AZIN2: variants seen among roughly 807,000 people sequenced by gnomAD.
The protein encoded by AZIN2 is antizyme inhibitor 2, also known as ODC antizyme inhibitor-2.
A neutral mutation model predicts 47.8 loss-of-function variants in AZIN2; 28 were observed. That is an observed-to-expected ratio of 0.59 (90% CI 0.43 to 0.80). AZIN2 has a LOEUF of 0.80. Ranked by LOEUF, AZIN2 falls within the 30% of genes least tolerant of loss-of-function variation. The probability of loss-of-function intolerance (pLI) is 0.00; values close to 1 mark genes in which losing one functional copy is unlikely to be tolerated. For synonymous variants in AZIN2, 221 were observed against 239.4 expected (o/e 0.92, Z 0.71); for missense variants, 535 against 582.5 (o/e 0.92, Z 0.84).
the AZIN2 span, among the ~76,000 whole-genome samples, chr1:33,129,321 C>A: frequency 6.6e-6 from 1 of 152,176 alleles, no homozygotes; most frequent in African/African-American, 2.4e-5. The surrounding 1 kb of genome is among the most constrained non-coding windows in gnomAD (Gnocchi z 4.1). Context: ...ACCACTACAA[C>A]TCTGATTGGA....
At chr1:33,137,025 C>G in the AZIN2 span, among the ~76,000 whole-genome samples, 2 of 151,676 alleles carry the variant, frequency 1.3e-5, no homozygotes, top group South Asian at 4.2e-4. Context: ...AGAAAATCAG[C>G]CAGTGCTTGT....
downstream of AZIN2, among the ~76,000 whole-genome samples, chr1:33,126,446 G>C (rs570043074): frequency 1.3e-5 from 2 of 152,146 alleles, no homozygotes; most frequent in African/African-American, 4.8e-5. Flanking sequence ...CTACTTTCTA[G>C]TGTGATCTGG....
chr1:33,094,201 CGCAT>C (rs1367456654), intron 7 of AZIN2, among the ~76,000 whole-genome samples: 1 of 152,178 alleles, frequency 6.6e-6, no homozygotes, highest in Non-Finnish European at 1.5e-5. Flanking sequence ...GTCTTGTCCC[CGCAT>C]TATAGGTGGG....
intron 5 of AZIN2, 98 bp from the exon 6 acceptor site, chr1:33,091,952 T>A (rs1401093567): frequency 7.6e-7 from 1 of 1,312,270 alleles, no homozygotes; most frequent in Non-Finnish European, 1.1e-6. Flanking sequence ...TGGGCCTCCC[T>A]ATGCATAGCT....
chr1:33,082,009 G>A, intron 3 of AZIN2, 169 bp from the exon 4 acceptor site: 1 of 541,460 alleles, frequency 1.8e-6, no homozygotes, highest in Non-Finnish European at 3.3e-6. Flanking sequence ...ACGGTGCCTT[G>A]TCTCCGTCTG....
chr1:33,127,854 C>G (rs804430), downstream of AZIN2, among the ~76,000 whole-genome samples: 198 of 152,218 alleles, frequency 1.3e-3, no homozygotes, highest in African/African-American at 4.6e-3. Context: ...AGGCCCTGCT[C>G]TCGCCTTCAC....
At chr1:33,150,083 G>C in the AZIN2 span, among the ~76,000 whole-genome samples, 1 of 152,246 alleles carries the variant, frequency 6.6e-6, no homozygotes, top group African/African-American at 2.4e-5. Context: ...TCTGCTCCCT[G>C]AGGGAGCTGA....
the AZIN2 span, among the ~76,000 whole-genome samples, chr1:33,134,232 C>A: frequency 1.3e-5 from 2 of 152,194 alleles, no homozygotes; most frequent in Admixed American, 1.3e-4. Context: ...ACTGTTATTT[C>A]GACTCATTTG....
chr1:33,157,105 G>A, the AZIN2 span, among the ~76,000 whole-genome samples: 28,346 of 151,836 alleles, frequency 0.19, 3,137 homozygotes, highest in South Asian at 0.3. Context: ...GTCACTTCAT[G>A]GCTCCAAGCC....
chr1:33,095,403 A>C (rs1250065584), intron 8 of AZIN2, among the ~76,000 whole-genome samples: 1 of 152,196 alleles, frequency 6.6e-6, no homozygotes, highest in Admixed American at 6.5e-5. Flanking sequence ...ACACTTCCTT[A>C]ATGTGGGGAG....
In AZIN2 at chr1:33,118,009, G is replaced by T. The variant is rs200309939; in HGVS notation, c.1137G>T (p.Gly379=). Residue 379 remains glycine, a synonymous_variant, in exon 11 of 12, where the codon GGG becomes GGT. Transcript: ENST00000294517. ...TGTGGCTGCCGCAACTACACGTAGG[G>T]GACTGGCTGGTCTTTGACAACATGG... ...EGLWLPQLHV[G]DWLVFDNMGA... 87 of 1,598,020 alleles carry T rather than the reference G, an allele frequency of 5.4e-5. No homozygotes were observed. The East Asian group carries it at 1.9e-3, about 36-fold the overall frequency.
At chr1:33,148,786 A>G in the AZIN2 span, among the ~76,000 whole-genome samples, 93 of 152,364 alleles carry the variant, frequency 6.1e-4, no homozygotes, top group African/African-American at 2.1e-3. Flanking sequence ...AAAGTAGACA[A>G]TGGGTCTGAA....
chr1:33,108,342 C>CTTT (rs34834263), intron 10 of AZIN2, among the ~76,000 whole-genome samples: 1 of 134,758 alleles, frequency 7.4e-6, no homozygotes, highest in Non-Finnish European at 1.6e-5. Flanking sequence ...TTCAGATTGA[C>CTTT]TTTTTTTTTT....
chr1:33,135,376 A>C, the AZIN2 span, among the ~76,000 whole-genome samples: 1 of 152,176 alleles, frequency 6.6e-6, no homozygotes, highest in Non-Finnish European at 1.5e-5. Context: ...CTTCCCCACA[A>C]GCAAGCTCTG....
At chr1:33,107,503 C>T (rs533135051) in intron 10 of AZIN2, among the ~76,000 whole-genome samples, 1 of 152,212 alleles carries the variant, frequency 6.6e-6, no homozygotes, top group Admixed American at 6.5e-5. Flanking sequence ...TCATTTGAGC[C>T]TGGGAGGTGG....
the AZIN2 span, among the ~76,000 whole-genome samples, chr1:33,130,523 C>A: frequency 6.6e-6 from 1 of 152,160 alleles, no homozygotes; most frequent in African/African-American, 2.4e-5. Context: ...TTGAGGACTT[C>A]TAACAGCTGT....
chr1:33,142,817 G>T, the AZIN2 span: 3 of 152,158 alleles, frequency 2.0e-5, no homozygotes, highest in Non-Finnish European at 4.4e-5. Context: ...TTTAGCTTTG[G>T]ATGGACCGGG....
the AZIN2 span, among the ~76,000 whole-genome samples, chr1:33,133,322 T>C: frequency 1.3e-5 from 2 of 152,376 alleles, no homozygotes; most frequent in East Asian, 3.8e-4. Context: ...AGTTTCTCTT[T>C]TTAATGTCAC....
the AZIN2 span, chr1:33,145,677 C>T: frequency 3.1e-6 from 1 of 321,662 alleles, no homozygotes; most frequent in African/African-American, 2.2e-5. Context: ...AAAGTCAAGG[C>T]CGGGGAGACA....
Sources: allele counts gnomAD v4.1 joint callset (sites outside exome capture counted in the v4.1 genomes callset), GRCh38; gene constraint gnomAD v4.1.1; non-coding constraint Gnocchi (gnomAD v3.1); transcripts MANE v1.5; gene names NCBI Gene and HGNC (gene_info 2026-07-23, HGNC 2026-07-21).